The following ASTN2 variants were observed in gnomAD, a reference collection of about 807,000 sequenced individuals.
The protein encoded by ASTN2 is astrotactin-2.
A neutral mutation model predicts 139.8 loss-of-function variants in ASTN2; 54 were observed. The observed-to-expected ratio is 0.39, with a 90% CI of 0.31 to 0.48. The LOEUF (loss-of-function observed/expected upper bound fraction) is 0.48, where lower values mean the gene tolerates loss of function less well. Among genes scored for constraint, ASTN2 ranks in the 20% least tolerant of loss-of-function variants. ASTN2 has a pLI of 0.95. For synonymous variants in ASTN2, 756 were observed against 719.5 expected, an observed-to-expected ratio of 1.05 and a Z score of -0.81; for missense variants, 1,565 against 1,725.1, an observed-to-expected ratio of 0.91 and a Z score of 1.64.
At chr9:116,845,444 G>C (rs578063269) in intron 11 of ASTN2, among the ~76,000 whole-genome samples, 7 of 152,176 alleles carry the variant, frequency 4.6e-5, no homozygotes, top group African/African-American at 1.4e-4. Context: ...CCGACTTCAG[G>C]AAGAATCTAG....
chr9:116,820,267 G>A (rs1427111349), intron 12 of ASTN2, among the ~76,000 whole-genome samples: 3 of 152,130 alleles, frequency 2.0e-5, no homozygotes, highest in East Asian at 1.9e-4. Context: ...CCTTCAAGAC[G>A]TCTGCTTTTG....
chr9:117,344,841 AT>A (rs975458001), intron 1 of ASTN2, among the ~76,000 whole-genome samples: 7 of 152,150 alleles, frequency 4.6e-5, no homozygotes, highest in African/African-American at 1.7e-4. Flanking sequence ...ACTAATGTGA[AT>A]GCTGCCCTTC....
At chr9:117,369,188 T>C (rs985441995) in intron 1 of ASTN2, among the ~76,000 whole-genome samples, 2 of 152,124 alleles carry the variant, frequency 1.3e-5, no homozygotes, top group Non-Finnish European at 2.9e-5. Context: ...TATTTTCTTT[T>C]TCTAGGCACC....
At chr9:117,396,013 C>G (rs1830666995) in intron 1 of ASTN2, among the ~76,000 whole-genome samples, 1 of 152,142 alleles carries the variant, frequency 6.6e-6, no homozygotes, top group Non-Finnish European at 1.5e-5. Flanking sequence ...GTTTTCTCAT[C>G]TATAAAATAG....
chr9:117,235,767 T>A (rs941895351), intron 2 of ASTN2, among the ~76,000 whole-genome samples: 6 of 152,112 alleles, frequency 3.9e-5, no homozygotes, highest in South Asian at 2.1e-4. Context: ...CTTTTTTTTT[T>A]AAATACAAGT....
At chr9:117,093,789 C>G (rs1259270675) in intron 5 of ASTN2, among the ~76,000 whole-genome samples, 2 of 152,196 alleles carry the variant, frequency 1.3e-5, no homozygotes, top group African/African-American at 2.4e-5. Flanking sequence ...GCGGCAGCAA[C>G]AACAACAACC....
At chr9:116,561,771 C>A (rs1588004640) in intron 19 of ASTN2, among the ~76,000 whole-genome samples, 1 of 152,118 alleles carries the variant, frequency 6.6e-6, no homozygotes, top group African/African-American at 2.4e-5. Flanking sequence ...ACCTGCCAAA[C>A]TTTTATTGTT....
intron 17 of ASTN2, among the ~76,000 whole-genome samples, chr9:116,628,230 C>T (rs889232516): frequency 1.3e-5 from 2 of 152,100 alleles, no homozygotes; most frequent in Non-Finnish European, 2.9e-5. Context: ...ATAGAAGCCA[C>T]AAGTGTGAAC....
At chr9:116,445,590 C>A (rs1471927381) in intron 20 of ASTN2, among the ~76,000 whole-genome samples, 1 of 152,154 alleles carries the variant, frequency 6.6e-6, no homozygotes, top group Non-Finnish European at 1.5e-5. Flanking sequence ...AGAGAGCCCC[C>A]AGGATGCTGG....
intron 2 of ASTN2, among the ~76,000 whole-genome samples, chr9:117,228,989 G>A (rs1055259131): frequency 2.0e-5 from 3 of 151,156 alleles, no homozygotes; most frequent in African/African-American, 7.3e-5. Flanking sequence ...GGGCAACAGA[G>A]TGAGACTCCA....
chr9:117,225,574 TACAG>T (rs1832688100), intron 2 of ASTN2, among the ~76,000 whole-genome samples: 1 of 77,946 alleles, frequency 1.3e-5, no homozygotes, highest in African/African-American at 4.2e-5. Flanking sequence ...TATATATATA[TACAG>T]ATGAACCCAA....
chr9:116,819,593 C>T (rs556199420), intron 12 of ASTN2, among the ~76,000 whole-genome samples: 73 of 152,232 alleles, frequency 4.8e-4, no homozygotes, highest in African/African-American at 1.7e-3. Context: ...CCACACTCAC[C>T]CCCTATTTGT....
chr9:117,278,451 C>T (rs1033600677), intron 2 of ASTN2, among the ~76,000 whole-genome samples: 3 of 152,176 alleles, frequency 2.0e-5, no homozygotes, highest in South Asian at 4.1e-4. Flanking sequence ...ATTGATTCTA[C>T]TTGACTTAAA....
At chr9:117,344,857 G>A (rs1829166032) in intron 1 of ASTN2, among the ~76,000 whole-genome samples, 1 of 152,104 alleles carries the variant, frequency 6.6e-6, no homozygotes, top group Non-Finnish European at 1.5e-5. Flanking sequence ...CCCTTCCATT[G>A]CTCATTTTTC....
chr9:116,731,178 GTAATAATAATAA>G (rs68099311), intron 14 of ASTN2, among the ~76,000 whole-genome samples: 15,961 of 140,096 alleles, frequency 0.11, 976 homozygotes, highest in African/African-American at 0.14. Flanking sequence ...ATTTTTCCTG[GTAATAATAATAA>G]TAATAATAAT....
rs555108237 is a variant in ASTN2 at position 116,682,353 on chromosome 9, A to G, written c.2807-30560T>C. 4.1e-4 allele frequency among the ~76,000 whole-genome samples: 63 copies of G among 152,318 alleles called. No individual in the cohort carries two copies. In the East Asian group the frequency reaches 0.011, roughly 28 times the overall value. ...ACCATCTCACACCAGTTAGAATGGC[A>G]ATCATTAAAAAGGCAGGAAACAACA... On this transcript the variant is annotated intron_variant, in intron 16 of 22. Coordinates refer to ENST00000313400, the MANE Select transcript of ASTN2 (RefSeq NM_001365068.1).
At chr9:116,765,563 T>C (rs1829785671) in intron 13 of ASTN2, among the ~76,000 whole-genome samples, 1 of 152,214 alleles carries the variant, frequency 6.6e-6, no homozygotes, top group African/African-American at 2.4e-5. Flanking sequence ...TTTACAAGGA[T>C]GCTTACTGCA....
At chr9:116,454,240 C>T (rs1365165156) in intron 20 of ASTN2, among the ~76,000 whole-genome samples, 1 of 152,128 alleles carries the variant, frequency 6.6e-6, no homozygotes, top group Non-Finnish European at 1.5e-5. Flanking sequence ...CTAAACTAAC[C>T]ATACTGAACA....
intron 5 of ASTN2, among the ~76,000 whole-genome samples, chr9:117,050,443 G>A (rs146692050): frequency 1.3e-3 from 203 of 152,072 alleles, no homozygotes; most frequent in Middle Eastern, 0.01. Flanking sequence ...CACAACCAAC[G>A]TTATTCCCCT....
Sources: allele counts gnomAD v4.1 joint callset (sites outside exome capture counted in the v4.1 genomes callset), GRCh38; gene constraint gnomAD v4.1.1; transcripts MANE v1.5; gene names NCBI Gene and HGNC (gene_info 2026-07-23, HGNC 2026-07-21).